Variants in NPAS3 observed in about 807,000 individuals in gnomAD.
The protein encoded by NPAS3 is neuronal PAS domain-containing protein 3.
In NPAS3, 14 loss-of-function variants were observed where a neutral mutation model predicts 73.1. That is an observed-to-expected ratio of 0.19 (90% confidence interval 0.13 to 0.30). The LOEUF (loss-of-function observed/expected upper bound fraction) is 0.30, where lower values mean the gene tolerates loss of function less well. Among genes scored for constraint, NPAS3 ranks in the 10% least tolerant of loss-of-function variants. The pLI, the probability that NPAS3 is intolerant of heterozygous loss-of-function variation, is 1.00. For missense variants in NPAS3, 1,096 were observed against 1,250.0 expected (o/e 0.88, Z 1.86); for synonymous variants, 620 against 541.5 (o/e 1.14, Z -2.01).
intron 2 of NPAS3, among the ~76,000 whole-genome samples, chr14:33,102,040 C>G (rs1317267403): frequency 6.6e-6 from 1 of 152,116 alleles, no homozygotes; most frequent in East Asian, 1.9e-4. Flanking sequence ...CTTCTCAGAC[C>G]TACACAGACC....
At chr14:33,776,791 G>T (rs180678098) in intron 8 of NPAS3, among the ~76,000 whole-genome samples, 1 of 152,078 alleles carries the variant, frequency 6.6e-6, no homozygotes, top group Non-Finnish European at 1.5e-5. Context: ...AGAGTAAAAG[G>T]TGCCATCAGG....
chr14:33,800,822 G>T lies in NPAS3; in HGVS notation c.2515G>T (p.Ala839Ser), dbSNP rs1297615591. Reference sequence around the variant, plus strand: ...CTACGCGCCCGCCGAGGTGACCCTGGCCATGCAGAGCAACCTGCTGCCCAA... The same window carrying T: ...CTACGCGCCCGCCGAGGTGACCCTGTCCATGCAGAGCAACCTGCTGCCCAA... Residue 839 changes from alanine (A) to serine (S), a missense_variant, in exon 12 of 12, where the codon GCC becomes TCC. Physicochemically the swap from Ala to Ser is moderately conservative, Grantham distance 99. Transcript: ENST00000356141. This position sits in a 1 kb window ranked among gnomAD's most constrained non-coding sequence, Gnocchi z 6.5. 1.2e-6 allele frequency: 2 copies of T among 1,602,114 alleles called. No homozygotes were observed. The highest frequency in any genetic ancestry group is 1.7e-6 in the Non-Finnish European group (2 of 1,175,086).
intron 2 of NPAS3, among the ~76,000 whole-genome samples, chr14:33,093,471 A>T (rs1371165150): frequency 6.6e-6 from 1 of 152,238 alleles, no homozygotes; most frequent in East Asian, 1.9e-4. Context: ...AGGGAACAAC[A>T]GGTGCTGGAG....
At chr14:33,705,455 A>G (rs1007241262) in intron 6 of NPAS3, among the ~76,000 whole-genome samples, 1 of 152,218 alleles carries the variant, frequency 6.6e-6, no homozygotes, top group Non-Finnish European at 1.5e-5. Context: ...TCAACACTGA[A>G]TTTATCCTTT....
At chr14:33,645,427 A>G (rs1427354673) in intron 5 of NPAS3, among the ~76,000 whole-genome samples, 1 of 152,252 alleles carries the variant, frequency 6.6e-6, no homozygotes, top group Non-Finnish European at 1.5e-5. Context: ...ATCTGTAATC[A>G]ATGAAATATG....
intron 4 of NPAS3, among the ~76,000 whole-genome samples, chr14:33,377,869 T>C (rs2046375133): frequency 6.6e-6 from 1 of 152,208 alleles, no homozygotes; most frequent in Non-Finnish European, 1.5e-5. Flanking sequence ...TTCAGTTCAG[T>C]AAATATTTAC....
intron 7 of NPAS3, among the ~76,000 whole-genome samples, chr14:33,767,172 G>C (rs939993270): frequency 6.6e-6 from 1 of 152,196 alleles, no homozygotes; most frequent in African/African-American, 2.4e-5. Flanking sequence ...TAGGTGGCAA[G>C]AGTGAGACAG....
intron 10 of NPAS3, among the ~76,000 whole-genome samples, chr14:33,795,349 C>T (rs576625121): frequency 7.9e-5 from 12 of 152,190 alleles, no homozygotes; most frequent in African/African-American, 2.2e-4. Context: ...GCCTGATTTC[C>T]GTGCAAAGTC....
rs142257046 is a variant in NPAS3 at position 33,360,477 on chromosome 14, G to T, written c.386-6709G>T. ...TTATTTATTTTGTAAAGAAAAAGAG[G>T]AAATTCTCATTTCTTTCACTGTATA... On this transcript the variant is annotated intron_variant, in intron 3 of 11. Transcript: ENST00000356141. Among the ~76,000 whole-genome samples the T allele has an allele frequency of 8.7e-3, 1,321 of 152,234 alleles. 24 individuals carry two copies. Among genetic ancestry groups the T allele is most frequent in the African/African-American group, 0.03 (1,263 of 41,542 alleles).
chr14:33,536,665 G>A (rs2054275219), intron 4 of NPAS3, among the ~76,000 whole-genome samples: 1 of 151,348 alleles, frequency 6.6e-6, no homozygotes, highest in South Asian at 2.1e-4. Context: ...GGTTTTCATT[G>A]TTATTTTATG....
At chr14:33,156,770 T>G (rs756911489) in intron 2 of NPAS3, among the ~76,000 whole-genome samples, 7 of 152,206 alleles carry the variant, frequency 4.6e-5, no homozygotes, top group Non-Finnish European at 7.4e-5. Context: ...CTTTTAATTC[T>G]TCTCTTTTGC....
rs553207215 is a variant in NPAS3 at position 33,620,374 on chromosome 14, T to C, written c.559-55837T>C. On this transcript the variant is annotated intron_variant, in intron 5 of 11. Coordinates refer to ENST00000356141, the Ensembl canonical transcript of NPAS3. ...ATTCCAGAACAACAGAATTCTATTA[T>C]GAAAATGGAACTGTAGAGACCCTTC... Among the ~76,000 whole-genome samples the C allele has an allele frequency of 2.6e-5, 4 of 152,286 alleles. No homozygotes were observed. The South Asian group carries it at 6.2e-4, about 24-fold the overall frequency.
At chr14:33,142,548 A>C (rs1477242976) in intron 2 of NPAS3, among the ~76,000 whole-genome samples, 1 of 152,112 alleles carries the variant, frequency 6.6e-6, no homozygotes, top group Non-Finnish European at 1.5e-5. Flanking sequence ...ATAATATGTT[A>C]GTATCTGGTA....
intron 1 of NPAS3, among the ~76,000 whole-genome samples, chr14:32,952,382 G>A (rs978410194): frequency 6.6e-6 from 1 of 152,104 alleles, no homozygotes; most frequent in Non-Finnish European, 1.5e-5. Context: ...GGTACTAGAA[G>A]ATGATCTGAT....
At chr14:33,793,798 C>A in intron 9 of NPAS3, 99 bp from the exon 10 acceptor site, 1 of 1,177,222 alleles carries the variant, frequency 8.5e-7, no homozygotes, top group East Asian at 2.5e-5. Context: ...TGTAGGTCCT[C>A]CCATTTTTAG....
intron 4 of NPAS3, among the ~76,000 whole-genome samples, chr14:33,533,777 G>A (rs901552257): frequency 6.6e-5 from 10 of 151,774 alleles, no homozygotes; most frequent in African/African-American, 9.7e-5. Flanking sequence ...AAAGAGATCC[G>A]AAATGTATTG....
intron 2 of NPAS3, 128 bp downstream of exon 2, chr14:33,056,122 A>AAC: frequency 1.9e-6 from 1 of 531,060 alleles, no homozygotes; most frequent in Non-Finnish European, 3.3e-6. Flanking sequence ...AAAAAAAAAC[A>AAC]AAAAAACAAA....
At chr14:33,252,200 A>G (rs2048613412) in intron 3 of NPAS3, among the ~76,000 whole-genome samples, 1 of 151,984 alleles carries the variant, frequency 6.6e-6, no homozygotes, top group Non-Finnish European at 1.5e-5. Context: ...CCTGTGAGGT[A>G]TATGAAAACT....
chr14:33,533,067 G>A (rs1314371841), intron 4 of NPAS3, among the ~76,000 whole-genome samples: 1 of 152,076 alleles, frequency 6.6e-6, no homozygotes, highest in Non-Finnish European at 1.5e-5. Context: ...ACTGTAAACA[G>A]TGGAAATAAT....
Sources: gnomAD v4.1 joint callset for allele counts (sites outside exome capture counted in the v4.1 genomes callset) on GRCh38, gnomAD v4.1.1 for gene constraint, Gnocchi (gnomAD v3.1) non-coding constraint, MANE v1.5 for transcripts, NCBI Gene and HGNC (gene_info 2026-07-23, HGNC 2026-07-21) for gene names.